Variants in NFIA observed in about 807,000 individuals in gnomAD.
NFIA encodes the protein nuclear factor 1 A-type.
NFIA carries 8 observed loss-of-function variants against 62.8 expected under a neutral mutation model. That is an observed-to-expected ratio of 0.13 (90% confidence interval 0.07 to 0.23). The LOEUF is 0.23. Ranked by LOEUF, NFIA falls within the 10% of genes least tolerant of loss-of-function variation. NFIA has a pLI of 1.00. For synonymous variants in NFIA, 235 were observed against 238.1 expected, an observed-to-expected ratio of 0.99 and a Z score of 0.12; for missense variants, 410 against 642.1, an observed-to-expected ratio of 0.64 and a Z score of 3.91.
intron 3 of NFIA, among the ~76,000 whole-genome samples, chr1:61,324,239 C>A (rs1660818558): frequency 6.6e-6 from 1 of 152,188 alleles, no homozygotes; most frequent in Non-Finnish European, 1.5e-5. Flanking sequence ...ACCTGCACAG[C>A]ACAGGCAGTC....
At chr1:61,429,572 C>T (rs898521772) in intron 10 of NFIA, among the ~76,000 whole-genome samples, 11 of 152,114 alleles carry the variant, frequency 7.2e-5, no homozygotes, top group Non-Finnish European at 1.0e-4. Context: ...TTAGCGTATA[C>T]CCCCAAAAAT....
intron 2 of NFIA, among the ~76,000 whole-genome samples, chr1:61,235,835 AAAAG>A (rs752392597): frequency 4.3e-4 from 66 of 152,016 alleles, no homozygotes; most frequent in South Asian, 1.2e-3. Context: ...AAGAAAAAGA[AAAAG>A]AAAGAGACAA....
At chr1:61,249,358 A>G (rs1438706339) in intron 2 of NFIA, among the ~76,000 whole-genome samples, 2 of 152,230 alleles carry the variant, frequency 1.3e-5, no homozygotes, top group Non-Finnish European at 2.9e-5. Context: ...GTTAGGACAA[A>G]CAATGAAATA....
chr1:61,131,574 T>A (rs1647080223), intron 2 of NFIA, among the ~76,000 whole-genome samples: 1 of 152,176 alleles, frequency 6.6e-6, no homozygotes. Flanking sequence ...TATCAGCAAC[T>A]TGTACTCATT....
intron 2 of NFIA, among the ~76,000 whole-genome samples, chr1:61,148,933 C>G (rs1225112032): frequency 6.6e-6 from 1 of 152,140 alleles, no homozygotes; most frequent in Non-Finnish European, 1.5e-5. Flanking sequence ...AGTGCAATGG[C>G]ACGATCCTAG....
At chr1:61,196,862 A>T (rs1652034137) in intron 2 of NFIA, among the ~76,000 whole-genome samples, 1 of 151,974 alleles carries the variant, frequency 6.6e-6, no homozygotes, top group African/African-American at 2.4e-5. Context: ...TAAAAAATAA[A>T]GTCTATATAG....
At chr1:61,274,733 A>G (rs1657706005) in intron 2 of NFIA, among the ~76,000 whole-genome samples, 1 of 152,192 alleles carries the variant, frequency 6.6e-6, no homozygotes, top group African/African-American at 2.4e-5. Context: ...TTTTAATGCA[A>G]ATGTTTGAGA....
intron 2 of NFIA, among the ~76,000 whole-genome samples, chr1:61,274,641 C>T (rs142260357): frequency 2.4e-4 from 36 of 152,222 alleles, no homozygotes; most frequent in African/African-American, 7.7e-4. Flanking sequence ...GAGTAAGACA[C>T]AAAGTTACCT....
chr1:61,418,961 A>T (rs144011262), intron 9 of NFIA, among the ~76,000 whole-genome samples: 2 of 152,184 alleles, frequency 1.3e-5, no homozygotes, highest in African/African-American at 4.8e-5. Flanking sequence ...CCCTACCCAT[A>T]TACATGGTTG....
upstream of NFIA, among the ~76,000 whole-genome samples, chr1:61,080,440 AAGAGAGCTTCCCGAGTACAC>A (rs1420904477): frequency 6.6e-6 from 1 of 152,198 alleles, no homozygotes; most frequent in Non-Finnish European, 1.5e-5. Flanking sequence ...TCTGCTCTGG[AAGAGAGCTTCCCGAGTACAC>A]ACTCTGAACA....
chr1:61,360,638 A>T (rs1347438892), intron 6 of NFIA, among the ~76,000 whole-genome samples: 3 of 152,152 alleles, frequency 2.0e-5, no homozygotes, highest in African/African-American at 7.2e-5. Flanking sequence ...CTCCTCCCTT[A>T]ATTTTTTTTC....
At chr1:61,089,113 C>T (rs1297124337) in intron 2 of NFIA, among the ~76,000 whole-genome samples, 1 of 152,102 alleles carries the variant, frequency 6.6e-6, no homozygotes, top group African/African-American at 2.4e-5. Context: ...TCTTGAACCC[C>T]TTGCCAATTA....
chr1:61,187,955 T>C (rs1423816392), intron 2 of NFIA, among the ~76,000 whole-genome samples: 3 of 152,146 alleles, frequency 2.0e-5, no homozygotes, highest in African/African-American at 2.4e-5. Context: ...CTTTGCCTCC[T>C]GCTTGAGGTG....
intron 2 of NFIA, among the ~76,000 whole-genome samples, chr1:61,200,407 A>C (rs1652392372): frequency 1.3e-5 from 2 of 152,076 alleles, no homozygotes; most frequent in South Asian, 2.1e-4. Context: ...TTTAGACTTC[A>C]CACAGAAAAA....
chr1:61,233,525 A>ATACT (rs1309945959), intron 2 of NFIA, among the ~76,000 whole-genome samples: 5 of 152,334 alleles, frequency 3.3e-5, no homozygotes, highest in African/African-American at 1.2e-4. Flanking sequence ...GGAAGTCAGA[A>ATACT]GAGTCTCGTC....
Position 61,354,138 on chromosome 1 carries a change from T to G in NFIA, c.818+1571T>G, listed in dbSNP as rs981239776. Among the ~76,000 whole-genome samples the G allele has an allele frequency of 2.0e-5, 3 of 152,200 alleles. No individual in the cohort carries two copies. The East Asian group carries it at 5.8e-4, about 29-fold the overall frequency. ...TGTTTTATTATCTTTTGTGACTCTC[T>G]GAGAGGAAAGCTCATTATGAATGTC... On this transcript the variant is annotated intron_variant, in intron 5 of 10. Coordinates refer to ENST00000403491, the MANE Select transcript of NFIA (RefSeq NM_001134673.4).
chr1:61,388,489 A>C (rs1664811305), intron 7 of NFIA, among the ~76,000 whole-genome samples: 1 of 152,216 alleles, frequency 6.6e-6, no homozygotes, highest in Non-Finnish European at 1.5e-5. Flanking sequence ...TTACATCTTA[A>C]AGTTTCTTGA....
chr1:61,440,931 C>T (rs906095107), intron 10 of NFIA, among the ~76,000 whole-genome samples: 3 of 152,148 alleles, frequency 2.0e-5, no homozygotes, highest in Non-Finnish European at 4.4e-5. Context: ...ACTCCAGACT[C>T]CCATCATTTT....
chr1:61,106,919 T>C (rs1390805568), intron 2 of NFIA, among the ~76,000 whole-genome samples: 1 of 151,342 alleles, frequency 6.6e-6, no homozygotes, highest in Non-Finnish European at 1.5e-5. Context: ...TTAAGTTTTA[T>C]AAAAAATCAT....
Sources: allele counts gnomAD v4.1 joint callset (sites outside exome capture counted in the v4.1 genomes callset), GRCh38; gene constraint gnomAD v4.1.1; transcripts MANE v1.5; gene names NCBI Gene and HGNC (gene_info 2026-07-23, HGNC 2026-07-21).